Variants in TMEM181 observed in about 807,000 individuals in gnomAD.
The protein encoded by TMEM181 is transmembrane protein 181.
A neutral mutation model predicts 71.9 loss-of-function variants in TMEM181; 39 were observed. That is an observed-to-expected ratio of 0.54 (90% CI 0.42 to 0.71). The LOEUF is 0.71. Among genes scored for constraint, TMEM181 ranks in the 30% least tolerant of loss-of-function variants. The pLI is 0.00. For missense variants in TMEM181, 595 were observed against 583.0 expected, an observed-to-expected ratio of 1.02 and a Z score of -0.21; for synonymous variants, 245 against 228.8, an observed-to-expected ratio of 1.07 and a Z score of -0.64.
chr6:158,562,138 T>G (rs73012188), intron 1 of TMEM181, among the ~76,000 whole-genome samples: 22,499 of 152,192 alleles, frequency 0.15, 1,772 homozygotes, highest in Middle Eastern at 0.22. Context: ...CCTGGCCTTA[T>G]GACCTCTGAC....
intron 1 of TMEM181, among the ~76,000 whole-genome samples, chr6:158,549,587 ATATT>A (rs1454729252): frequency 6.6e-6 from 1 of 152,198 alleles, no homozygotes; most frequent in Non-Finnish European, 1.5e-5. Context: ...CTCAAAAATA[ATATT>A]TATTTGGGAG....
rs533261179 is a variant in TMEM181 at position 158,611,763 on chromosome 6, CAA to C, written c.896+3015_896+3016del. 546 of 227,860 alleles carry C rather than the reference CAA, an allele frequency of 2.4e-3. 5 individuals are homozygous for C. Among genetic ancestry groups the C allele is most frequent in the African/African-American group, 0.011 (475 of 42,964 alleles). 14.1% of individuals were successfully genotyped at this position (227,860 alleles called of 1,614,324 possible). ...GAAACAGGAAAAGCGGCTCAACAGT[CAA>C]AGACAGGTTTGTTTTGGACAATAAA... On this transcript the variant is annotated intron_variant, in intron 10 of 16. Transcript: ENST00000684151.
rs886535775 is a variant in TMEM181, at chr6:158,616,844, C to T, written c.897-6706C>T. Among the ~76,000 whole-genome samples, 4 of 152,236 alleles carry T rather than the reference C, an allele frequency of 2.6e-5. No individual in the cohort carries two copies. In the South Asian group the frequency reaches 6.2e-4, roughly 24 times the overall value. On this transcript the variant is annotated intron_variant, in intron 10 of 16. Coordinates refer to ENST00000684151, the MANE Select transcript of TMEM181 (RefSeq NM_001376852.1). Reference sequence around the variant, plus strand: ...ATCCCAGGGATGAAGCCAACTTGATCGTGGTGGATAAGCTTTTTGATGTGC... The same window carrying T: ...ATCCCAGGGATGAAGCCAACTTGATTGTGGTGGATAAGCTTTTTGATGTGC...
chr6:158,566,225 G>A (rs1386046567), intron 1 of TMEM181, among the ~76,000 whole-genome samples: 1 of 152,088 alleles, frequency 6.6e-6, no homozygotes, highest in East Asian at 1.9e-4. Flanking sequence ...TAGCCAAACG[G>A]GCATGCCAAG....
At chr6:158,573,386 CT>C (rs1431841009) in intron 1 of TMEM181, 33 bp from the exon 2 acceptor site, 33 of 1,541,492 alleles carry the variant, frequency 2.1e-5, no homozygotes, top group Non-Finnish European at 2.8e-5. Flanking sequence ...GGGCCTTCCC[CT>C]GACCGTCCCT....
intron 6 of TMEM181, among the ~76,000 whole-genome samples, chr6:158,590,850 A>T (rs186448002): frequency 2.6e-5 from 4 of 152,278 alleles, no homozygotes; most frequent in African/African-American, 7.2e-5. Context: ...CCTGTTAGTG[A>T]TCATTTCCCA....
chr6:158,614,863 A>G lies in TMEM181; in HGVS notation c.896+6113A>G, dbSNP rs141451978. On this transcript the variant is annotated intron_variant, in intron 10 of 16. Coordinates refer to ENST00000684151, the MANE Select transcript of TMEM181 (RefSeq NM_001376852.1). ...TAGTATTCCATGGTGTATATGTGTC[A>G]CATTTTCTTAATCCAGTCTATCATT... 2.7e-3 allele frequency among the ~76,000 whole-genome samples: 410 copies of G among 152,296 alleles called. 6 individuals are homozygous for G. The highest frequency in any genetic ancestry group is 4.5e-3 in the Non-Finnish European group (308 of 68,026).
chr6:158,557,321 G>A (rs1420339286), upstream of TMEM181, among the ~76,000 whole-genome samples: 1 of 150,844 alleles, frequency 6.6e-6, no homozygotes, highest in African/African-American at 2.5e-5. Context: ...GCAGTGAGCC[G>A]AGATTGCGCC....
Position 158,624,677 on chromosome 6 carries a change from A to G in TMEM181, c.955-427A>G, listed in dbSNP as rs556610145. On this transcript the variant is annotated intron_variant, in intron 11 of 16. Transcript: ENST00000684151. ...AGAAAACAGAGGTCGGGAATGGTTG[A>G]TGGTTAAGACGGCGCGTGGATTCCC... Among the ~76,000 whole-genome samples the G allele has an allele frequency of 2.0e-5, 3 of 152,330 alleles. No individual in the cohort carries two copies. In the East Asian group the frequency reaches 5.8e-4, roughly 29 times the overall value.
chr6:158,536,911 C>A, intron 1 of TMEM181: 1 of 1,265,654 alleles, frequency 7.9e-7, no homozygotes, highest in Non-Finnish European at 1.0e-6. Flanking sequence ...GGCTTCCGGG[C>A]CGCAGTCCCC....
intron 10 of TMEM181, among the ~76,000 whole-genome samples, chr6:158,617,131 T>G (rs1309591437): frequency 1.3e-5 from 2 of 152,210 alleles, no homozygotes; most frequent in Non-Finnish European, 2.9e-5. Flanking sequence ...TTTTCGTTGG[T>G]AAGCTATTAA....
chr6:158,631,463 T>G, intron 16 of TMEM181, 74 bp downstream of exon 16: 1 of 1,470,212 alleles, frequency 6.8e-7, no homozygotes, highest in East Asian at 2.3e-5. Flanking sequence ...CTGAATGGGT[T>G]ACTCTTCTAA....
rs148268541 is a variant in TMEM181, at chr6:158,591,792, C to T, written c.492+2010C>T. On this transcript the variant is annotated intron_variant, in intron 6 of 16. Coordinates refer to ENST00000684151, the MANE Select transcript of TMEM181 (RefSeq NM_001376852.1). Reference sequence around the variant, plus strand: ...CTTTCTCCAGAAGCTGTAGTTCATCCTGACCCTGTTCTATGGGTGTGGGCC... The same window carrying T: ...CTTTCTCCAGAAGCTGTAGTTCATCTTGACCCTGTTCTATGGGTGTGGGCC... 1.2e-3 allele frequency among the ~76,000 whole-genome samples: 182 copies of T among 152,226 alleles called. 1 individual carries two copies. Among genetic ancestry groups the T allele is most frequent in the African/African-American group, 3.9e-3 (160 of 41,556 alleles).
chr6:158,565,631 AG>A (rs764708015), intron 1 of TMEM181, among the ~76,000 whole-genome samples: 3 of 152,228 alleles, frequency 2.0e-5, no homozygotes, highest in African/African-American at 7.2e-5. Flanking sequence ...AGAAAAAAAC[AG>A]GGAAGAGTGA....
At chr6:158,606,041 G>C (rs923938822) in intron 7 of TMEM181, among the ~76,000 whole-genome samples, 14 of 152,214 alleles carry the variant, frequency 9.2e-5, no homozygotes, top group Admixed American at 5.9e-4. Flanking sequence ...GTCCACCCAG[G>C]AACACTTGGT....
intron 6 of TMEM181, among the ~76,000 whole-genome samples, chr6:158,593,438 A>C (rs1005502528): frequency 6.6e-6 from 1 of 152,242 alleles, no homozygotes; most frequent in Non-Finnish European, 1.5e-5. Context: ...ACCTGAAAAG[A>C]AAATTATTTG....
Position 158,589,738 on chromosome 6 carries a change from G to A in TMEM181, c.448G>A (p.Gly150Arg), listed in dbSNP as rs1201801171. ...CTACACTCAGTATACAGTGATAGTG[G>A]GATTTGAACACCTGAAGCTCCCCAT... The part of the protein sequence containing the change: ...LNYTQYTVIV[G>R]FEHLKLPIKG... The change falls in exon 6 of 17, where the codon GGA (glycine) becomes AGA (arginine). Residue 150 changes from glycine (G) to arginine (R), a missense_variant. Gly to Arg is a moderately radical substitution (Grantham distance 125). Coordinates refer to ENST00000684151, the MANE Select transcript of TMEM181 (RefSeq NM_001376852.1). 1 of 1,614,100 alleles carries A rather than the reference G, an allele frequency of 6.2e-7. No homozygotes were observed. The highest frequency in any genetic ancestry group is 1.7e-5 in the Admixed American group (1 of 60,010).
At chr6:158,564,688 CCT>C (rs1346300849) in intron 1 of TMEM181, among the ~76,000 whole-genome samples, 1 of 152,182 alleles carries the variant, frequency 6.6e-6, no homozygotes, top group African/African-American at 2.4e-5. Flanking sequence ...GAATCTTCTG[CCT>C]CTCTCCATTT....
At chr6:158,576,396 T>C (rs1028527371) in intron 2 of TMEM181, among the ~76,000 whole-genome samples, 1 of 152,166 alleles carries the variant, frequency 6.6e-6, no homozygotes, top group Non-Finnish European at 1.5e-5. Flanking sequence ...TGGCTGCTGT[T>C]GTTGTACCTC....
Sources: allele counts gnomAD v4.1 joint callset (sites outside exome capture counted in the v4.1 genomes callset), GRCh38; gene constraint gnomAD v4.1.1; transcripts MANE v1.5; gene names NCBI Gene and HGNC (gene_info 2026-07-23, HGNC 2026-07-21).